The following ADAMTS3 variants were observed in gnomAD, a reference collection of about 807,000 sequenced individuals.
ADAMTS3 encodes the protein ADAM metallopeptidase with thrombospondin type 1 motif 3.
Under a neutral mutation model 129.0 loss-of-function variants are expected in ADAMTS3, and 73 were observed. The observed-to-expected ratio is 0.57, with a 90% CI of 0.47 to 0.69. The LOEUF is 0.69. Among genes scored for constraint, ADAMTS3 ranks in the 30% least tolerant of loss-of-function variants. The pLI is 0.00. For missense variants in ADAMTS3, 1,457 were observed against 1,514.5 expected, an observed-to-expected ratio of 0.96 and a Z score of 0.63; for synonymous variants, 477 against 510.8, an observed-to-expected ratio of 0.93 and a Z score of 0.89.
At chr4:72,371,026 T>C (rs1305996431) in intron 4 of ADAMTS3, among the ~76,000 whole-genome samples, 2 of 151,980 alleles carry the variant, frequency 1.3e-5, no homozygotes, top group African/African-American at 2.4e-5. Context: ...AGAGAGAACA[T>C]GTGAAGAGAG....
At chr4:72,405,453 A>T (rs60107925) in intron 4 of ADAMTS3, among the ~76,000 whole-genome samples, 16,189 of 151,376 alleles carry the variant, frequency 0.11, 1,612 homozygotes, top group African/African-American at 0.26. Flanking sequence ...GTAATATTTA[A>T]AAAAAACAGA....
Position 72,298,964 on chromosome 4 carries a change from T to C in ADAMTS3, c.2425-522A>G, listed in dbSNP as rs190659090. 1.1e-3 allele frequency among the ~76,000 whole-genome samples: 165 copies of C among 151,340 alleles called. 1 individual carries two copies. The highest frequency in any genetic ancestry group is 3.9e-3 in the African/African-American group (160 of 41,252). On this transcript the variant is annotated intron_variant, in intron 17 of 21. Transcript: ENST00000286657. ...AGAAAATATATACATTATGGAAAAA[T>C]AGAAAGAAAACGAAAAATCATAATT...
chr4:72,549,962 A>AAAGAAGAAGAAG (rs71655715), intron 2 of ADAMTS3, among the ~76,000 whole-genome samples: 13 of 30,912 alleles, frequency 4.2e-4, no homozygotes, highest in African/African-American at 2.4e-3. Flanking sequence ...AAAAAAAAAA[A>AAAGAAGAAGAAG]AAGAAGAAGA....
At chr4:72,379,450 A>G (rs576039952) in intron 4 of ADAMTS3, among the ~76,000 whole-genome samples, 1 of 152,112 alleles carries the variant, frequency 6.6e-6, no homozygotes, top group Admixed American at 6.6e-5. Context: ...AAAAAAAAAA[A>G]AAACCCATTT....
At chr4:72,514,971 A>G (rs998150490) in intron 3 of ADAMTS3, among the ~76,000 whole-genome samples, 15 of 152,142 alleles carry the variant, frequency 9.9e-5, no homozygotes, top group African/African-American at 2.9e-4. Flanking sequence ...ATCTCCTAAT[A>G]CTATCCCTCC....
intron 3 of ADAMTS3, among the ~76,000 whole-genome samples, chr4:72,496,025 G>C (rs1431816336): frequency 6.6e-6 from 1 of 152,086 alleles, no homozygotes; most frequent in Non-Finnish European, 1.5e-5. Flanking sequence ...GACTATAATG[G>C]GAGAGCTTTT....
At chr4:72,483,774 C>T (rs34587285) in intron 3 of ADAMTS3, among the ~76,000 whole-genome samples, 54,055 of 152,064 alleles carry the variant, frequency 0.36, 10,516 homozygotes, top group South Asian at 0.58. Context: ...AATCCCAGCA[C>T]TTTGGGAGGC....
chr4:72,311,164 G>A lies in ADAMTS3; in HGVS notation c.1939C>T (p.Leu647Phe), dbSNP rs1052757998. 1.9e-6 allele frequency: 3 copies of A among 1,610,688 alleles called. No homozygotes were observed. The Admixed American group carries it at 5.0e-5, about 27-fold the overall frequency. The change falls in exon 14 of 22, where the codon CTT becomes TTT. Residue 647 changes from leucine to phenylalanine, a missense_variant. Coordinates refer to ENST00000286657, the MANE Select transcript of ADAMTS3 (RefSeq NM_014243.3). ...CCAGTCTCCTTGGACTGACAGTAAA[G>A]GTGGCATCTTTTCTTGGCTGCATAA... ...EHPDPKKRCH[L>F]YCQSKETGDV...
intron 3 of ADAMTS3, among the ~76,000 whole-genome samples, chr4:72,546,323 G>A (rs1271484406): frequency 6.6e-6 from 1 of 152,082 alleles, no homozygotes; most frequent in Non-Finnish European, 1.5e-5. Flanking sequence ...CTCAACAGTG[G>A]TATGAACTGA....
At chr4:72,414,468 G>A (rs1251951250) in intron 4 of ADAMTS3, among the ~76,000 whole-genome samples, 1 of 151,740 alleles carries the variant, frequency 6.6e-6, no homozygotes, top group African/African-American at 2.4e-5. Context: ...CCTTTAAAAG[G>A]TTTAAAATAA....
chr4:72,365,696 G>T (rs1720853431), intron 4 of ADAMTS3, among the ~76,000 whole-genome samples: 1 of 152,024 alleles, frequency 6.6e-6, no homozygotes, highest in East Asian at 1.9e-4. Flanking sequence ...GAAAATCCCT[G>T]GAACATGGAT....
intron 2 of ADAMTS3, among the ~76,000 whole-genome samples, chr4:72,562,338 T>C (rs972342704): frequency 3.9e-5 from 6 of 152,230 alleles, no homozygotes; most frequent in Admixed American, 2.6e-4. Context: ...TCATGTGAAT[T>C]TGTTTTTACT....
chr4:72,437,203 G>A (rs980349499), intron 3 of ADAMTS3, among the ~76,000 whole-genome samples: 5 of 151,714 alleles, frequency 3.3e-5, no homozygotes, highest in African/African-American at 1.2e-4. Flanking sequence ...ATCTTCTCAG[G>A]GAAGGCAGGT....
At chr4:72,339,883 T>C (rs1720090986) in intron 4 of ADAMTS3, among the ~76,000 whole-genome samples, 190 bp from the exon 5 acceptor site, 1 of 152,256 alleles carries the variant, frequency 6.6e-6, no homozygotes, top group South Asian at 2.1e-4. Context: ...AAATTGAACA[T>C]AGAAGAGCAA....
At chr4:72,388,366 C>T (rs1408797200) in intron 4 of ADAMTS3, among the ~76,000 whole-genome samples, 1 of 152,184 alleles carries the variant, frequency 6.6e-6, no homozygotes, top group Non-Finnish European at 1.5e-5. Context: ...AGTACCACTG[C>T]CTGTATATTG....
intron 10 of ADAMTS3, among the ~76,000 whole-genome samples, chr4:72,317,899 CAT>C (rs1719441902): frequency 6.6e-6 from 1 of 151,932 alleles, no homozygotes; most frequent in South Asian, 2.1e-4. Flanking sequence ...GGTGGTGGTG[CAT>C]GCCTGTAATC....
At chr4:72,494,667 C>T (rs2110017808) in intron 3 of ADAMTS3, among the ~76,000 whole-genome samples, 1 of 152,294 alleles carries the variant, frequency 6.6e-6, no homozygotes, top group Non-Finnish European at 1.5e-5. Context: ...CTTGCATTGA[C>T]ATCTGCACAT....
intron 3 of ADAMTS3, among the ~76,000 whole-genome samples, chr4:72,491,261 T>C (rs1370368559): frequency 6.6e-6 from 1 of 151,824 alleles, no homozygotes; most frequent in African/African-American, 2.4e-5. Context: ...GATCATGTTA[T>C]CTGCAAACAA....
chr4:72,466,270 G>C (rs1175938749), intron 3 of ADAMTS3, among the ~76,000 whole-genome samples: 1 of 152,010 alleles, frequency 6.6e-6, no homozygotes, highest in Non-Finnish European at 1.5e-5. Context: ...GGAGGATGTA[G>C]AAGAAGAGGC....
Sources: gnomAD v4.1 joint callset for allele counts (sites outside exome capture counted in the v4.1 genomes callset) on GRCh38, gnomAD v4.1.1 for gene constraint, MANE v1.5 for transcripts, NCBI Gene and HGNC (gene_info 2026-07-23, HGNC 2026-07-21) for gene names.